Variants in RPS6KC1 observed in about 807,000 individuals in gnomAD.
The protein encoded by RPS6KC1 is ribosomal protein S6 kinase C1.
A neutral mutation model predicts 103.8 loss-of-function variants in RPS6KC1; 54 were observed. The observed-to-expected ratio is 0.52, with a 90% CI of 0.42 to 0.65. The LOEUF is 0.65. RPS6KC1 is among the 30% of genes least tolerant of loss of function. The probability of loss-of-function intolerance (pLI) is 0.00; values close to 1 mark genes in which losing one functional copy is unlikely to be tolerated. For missense variants in RPS6KC1, 1,151 were observed against 1,253.8 expected, an observed-to-expected ratio of 0.92 and a Z score of 1.24; for synonymous variants, 439 against 438.7, an observed-to-expected ratio of 1.00 and a Z score of -0.01.
the RPS6KC1 span, among the ~76,000 whole-genome samples, chr1:213,817,245 C>T: frequency 1.3e-5 from 2 of 152,208 alleles, no homozygotes; most frequent in Non-Finnish European, 2.9e-5. Context: ...CATCGGCTCC[C>T]CTCCTCCCAG....
chr1:213,757,898 A>G, the RPS6KC1 span, among the ~76,000 whole-genome samples: 1 of 152,020 alleles, frequency 6.6e-6, no homozygotes, highest in South Asian at 2.1e-4. Flanking sequence ...TGCTAAATAT[A>G]CTCTGCTTGT....
chr1:213,170,471 C>G (rs2091383818), intron 7 of RPS6KC1, among the ~76,000 whole-genome samples: 1 of 152,170 alleles, frequency 6.6e-6, no homozygotes, highest in Non-Finnish European at 1.5e-5. Flanking sequence ...GATGATGACA[C>G]AGCCTGCTCT....
chr1:213,369,022 C>G, the RPS6KC1 span, among the ~76,000 whole-genome samples: 1 of 152,202 alleles, frequency 6.6e-6, no homozygotes, highest in African/African-American at 2.4e-5. Context: ...TCTGAACTTA[C>G]TTTATGTTAG....
chr1:213,841,129 T>A, the RPS6KC1 span: 1 of 152,226 alleles, frequency 6.6e-6, no homozygotes, highest in African/African-American at 2.4e-5. Flanking sequence ...GATCTGAGTA[T>A]GTACATCTTT....
chr1:213,418,334 A>AT, the RPS6KC1 span, among the ~76,000 whole-genome samples: 1 of 152,142 alleles, frequency 6.6e-6, no homozygotes, highest in Non-Finnish European at 1.5e-5. Flanking sequence ...TATTTTAATT[A>AT]TTGATGATGG....
chr1:213,528,048 C>G, the RPS6KC1 span, among the ~76,000 whole-genome samples: 1 of 151,894 alleles, frequency 6.6e-6, no homozygotes, highest in Admixed American at 6.6e-5. Flanking sequence ...GTAGGTCTTG[C>G]TGTCTCAGGG....
the RPS6KC1 span, among the ~76,000 whole-genome samples, chr1:213,370,017 C>A: frequency 6.6e-6 from 1 of 152,158 alleles, no homozygotes; most frequent in Non-Finnish European, 1.5e-5. Flanking sequence ...TGCTCTCACT[C>A]ACTATGGTGC....
At chr1:213,282,396 G>A in the RPS6KC1 span, among the ~76,000 whole-genome samples, 54 of 152,312 alleles carry the variant, frequency 3.5e-4, no homozygotes, top group East Asian at 3.7e-3. Flanking sequence ...CTTAAGGCAT[G>A]GAACTCCTTG....
chr1:213,848,880 G>A, the RPS6KC1 span, among the ~76,000 whole-genome samples: 2 of 152,146 alleles, frequency 1.3e-5, no homozygotes, highest in South Asian at 2.1e-4. Flanking sequence ...AAGTTTGCAT[G>A]TTCAAGGTTT....
chr1:213,479,031 T>C, the RPS6KC1 span, among the ~76,000 whole-genome samples: 9 of 138,116 alleles, frequency 6.5e-5, no homozygotes, highest in Admixed American at 5.4e-4. Context: ...GCAAATTACA[T>C]TTTTCAAGAC....
chr1:213,372,595 A>G, the RPS6KC1 span, among the ~76,000 whole-genome samples: 1,032 of 152,352 alleles, frequency 6.8e-3, 6 homozygotes, highest in East Asian at 0.037. Context: ...TTTGTCATTT[A>G]AAATAGTTTG....
chr1:213,271,132 C>T (rs892226684), intron 14 of RPS6KC1, among the ~76,000 whole-genome samples: 8 of 152,066 alleles, frequency 5.3e-5, no homozygotes, highest in Non-Finnish European at 7.4e-5. Context: ...TGTACATGAA[C>T]GTTAATAGCA....
chr1:213,413,869 C>T, the RPS6KC1 span, among the ~76,000 whole-genome samples: 2 of 152,180 alleles, frequency 1.3e-5, no homozygotes, highest in South Asian at 4.1e-4. Flanking sequence ...CTCACAAAGA[C>T]AGCCAGAAAT....
chr1:213,403,669 G>T, the RPS6KC1 span, among the ~76,000 whole-genome samples: 1 of 152,080 alleles, frequency 6.6e-6, no homozygotes, highest in African/African-American at 2.4e-5. Context: ...TGCTCCTCCC[G>T]TTTCTTAATA....
At chr1:213,576,574 C>T in the RPS6KC1 span, among the ~76,000 whole-genome samples, 31 of 152,068 alleles carry the variant, frequency 2.0e-4, no homozygotes, top group South Asian at 6.2e-3. Flanking sequence ...CACCACAAAC[C>T]AAACCCATAT....
chr1:213,319,312 CAA>C, the RPS6KC1 span, among the ~76,000 whole-genome samples: 1 of 90,554 alleles, frequency 1.1e-5, no homozygotes, highest in African/African-American at 4.4e-5. Flanking sequence ...GACTCTGTCT[CAA>C]AAAAAAAAAA....
intron 1 of RPS6KC1, among the ~76,000 whole-genome samples, chr1:213,056,841 T>C (rs2077367126): frequency 6.6e-6 from 1 of 151,760 alleles, no homozygotes; most frequent in African/African-American, 2.4e-5. Flanking sequence ...AGCTATACCC[T>C]GTGTTCCGGG....
intron 10 of RPS6KC1, among the ~76,000 whole-genome samples, chr1:213,233,276 A>G (rs78848142): frequency 3.9e-5 from 6 of 152,184 alleles, no homozygotes; most frequent in Admixed American, 3.9e-4. Flanking sequence ...CTCAGGTATT[A>G]AGAGAGTTAA....
chr1:213,616,318 T>C, the RPS6KC1 span, among the ~76,000 whole-genome samples: 7 of 152,134 alleles, frequency 4.6e-5, no homozygotes, highest in African/African-American at 1.7e-4. Context: ...GCAGAGGCAC[T>C]GGTGGGAAGA....
Sources: allele counts gnomAD v4.1 joint callset (sites outside exome capture counted in the v4.1 genomes callset), GRCh38; gene constraint gnomAD v4.1.1; transcripts MANE v1.5; gene names NCBI Gene and HGNC (gene_info 2026-07-23, HGNC 2026-07-21).